The following GPR149 variants were observed in gnomAD, a reference collection of about 807,000 sequenced individuals.
GPR149 encodes G protein-coupled receptor 149.
In GPR149, 50 loss-of-function variants were observed where a neutral mutation model predicts 50.2. The observed-to-expected ratio is 1.00, with a 90% CI of 0.79 to 1.26. The LOEUF is 1.26. Among genes scored for constraint, GPR149 ranks in the 50% most tolerant of loss-of-function variants. The probability of loss-of-function intolerance (pLI) is 0.00; values close to 1 mark genes in which losing one functional copy is unlikely to be tolerated. For missense variants in GPR149, 983 were observed against 895.4 expected (o/e 1.10, Z -1.25); for synonymous variants, 405 against 358.2 (o/e 1.13, Z -1.48).
intron 3 of GPR149, among the ~76,000 whole-genome samples, chr3:154,414,423 G>T (rs531516564): frequency 6.6e-6 from 1 of 151,956 alleles, no homozygotes. Context: ...AAGAAGAATC[G>T]TAGAAATAGA....
At chr3:154,338,313 C>T in intron 3 of GPR149, 42 bp from the exon 4 acceptor site, 1 of 1,425,200 alleles carries the variant, frequency 7.0e-7, no homozygotes, top group Non-Finnish European at 9.4e-7. Flanking sequence ...AAGCTAGGTT[C>T]TGAGGTTGAG....
At chr3:154,342,862 A>G (rs1027314513) in intron 3 of GPR149, among the ~76,000 whole-genome samples, 3 of 152,260 alleles carry the variant, frequency 2.0e-5, no homozygotes, top group Non-Finnish European at 4.4e-5. Flanking sequence ...CTATAAAATA[A>G]AAACTACGTA....
At chr3:154,366,402 C>T (rs573413269) in intron 3 of GPR149, among the ~76,000 whole-genome samples, 2 of 152,320 alleles carry the variant, frequency 1.3e-5, no homozygotes, top group African/African-American at 4.8e-5. Flanking sequence ...TTTAAAATGG[C>T]CCTGCAAAGC....
intron 3 of GPR149, among the ~76,000 whole-genome samples, chr3:154,394,200 C>T (rs1228414192): frequency 6.6e-6 from 1 of 151,988 alleles, no homozygotes; most frequent in African/African-American, 2.4e-5. Flanking sequence ...CGATATAGTA[C>T]TGGCATAAAG....
chr3:154,421,945 C>T (rs1396911311), intron 2 of GPR149, among the ~76,000 whole-genome samples: 1 of 151,454 alleles, frequency 6.6e-6, no homozygotes, highest in Admixed American at 6.6e-5. Flanking sequence ...AAGAATACCA[C>T]CAATAAATAT....
chr3:154,418,004 G>T (rs1319537304), intron 3 of GPR149, among the ~76,000 whole-genome samples: 2 of 151,526 alleles, frequency 1.3e-5, no homozygotes, highest in Admixed American at 6.6e-5. Flanking sequence ...AGTGGGCGAA[G>T]GACATGAACA....
chr3:154,343,903 C>G (rs1400022317), intron 3 of GPR149, among the ~76,000 whole-genome samples: 1 of 151,742 alleles, frequency 6.6e-6, no homozygotes, highest in African/African-American at 2.4e-5. Context: ...CACTTGAGCC[C>G]GGGAGATAGA....
intron 3 of GPR149, among the ~76,000 whole-genome samples, chr3:154,398,639 G>A (rs1715348431): frequency 2.6e-5 from 4 of 152,080 alleles, no homozygotes; most frequent in Admixed American, 2.6e-4. Context: ...AATGAGGTAA[G>A]CAGAATAATT....
chr3:154,347,330 G>C (rs1713953426), intron 3 of GPR149, among the ~76,000 whole-genome samples: 1 of 152,164 alleles, frequency 6.6e-6, no homozygotes, highest in Non-Finnish European at 1.5e-5. Flanking sequence ...TGACGGAAGA[G>C]GACACAAGCA....
chr3:154,409,541 A>G (rs1198803031), intron 3 of GPR149, among the ~76,000 whole-genome samples: 1 of 152,054 alleles, frequency 6.6e-6, no homozygotes, highest in Non-Finnish European at 1.5e-5. Context: ...AAAAACAATC[A>G]CAACTTCTGG....
At chr3:154,374,568 T>A (rs1398859645) in intron 3 of GPR149, among the ~76,000 whole-genome samples, 1 of 152,138 alleles carries the variant, frequency 6.6e-6, no homozygotes, top group Non-Finnish European at 1.5e-5. Flanking sequence ...AGAGGGATGT[T>A]TTAGACTCAA....
chr3:154,335,140 G>T lies in GPR149; in HGVS notation c.*2559C>A, dbSNP rs1713624480. Reference sequence around the variant, plus strand: ...CACCAGATGGTGATATTTTTATTAGGTAATAAGTTTTTGCCTTCAGATACA... The same window carrying T: ...CACCAGATGGTGATATTTTTATTAGTTAATAAGTTTTTGCCTTCAGATACA... On this transcript the variant is annotated 3_prime_UTR_variant, in exon 4 of 4. Coordinates refer to ENST00000389740, the MANE Select transcript of GPR149 (RefSeq NM_001038705.3). The T allele has an allele frequency of 6.6e-6, 1 of 151,720 alleles. No individual in the cohort carries two copies. Among genetic ancestry groups the T allele is most frequent in the South Asian group, 2.1e-4 (1 of 4,800 alleles). 9.4% of individuals were successfully genotyped at this position (151,720 alleles called of 1,614,324 possible).
chr3:154,354,913 A>T (rs1247848259), intron 3 of GPR149: 1 of 199,852 alleles, frequency 5.0e-6, no homozygotes, highest in Non-Finnish European at 1.1e-5. Context: ...ATTGAAAATG[A>T]TGAATCATTC....
chr3:154,421,475 C>T lies in GPR149; in HGVS notation c.1187G>A (p.Gly396Asp), dbSNP rs764649543. The T allele has an allele frequency of 1.9e-6, 3 of 1,563,984 alleles. No individual in the cohort carries two copies. Among genetic ancestry groups the T allele is most frequent in the Non-Finnish European group, 2.6e-6 (3 of 1,154,948 alleles). ...ASDGKKIKRK[G>D]FEFNLSFQKS... ...TTGGAATGATAGATTGAATTCAAAG[C>T]CTTTTCTCTTGACTGAGTAAAAATA... Residue 396 changes from glycine (G) to aspartate (D), a missense_variant, in exon 3 of 4, where the codon GGC (glycine) becomes GAC (aspartate). Transcript: ENST00000389740.
chr3:154,378,366 TTA>T (rs1474872925), intron 3 of GPR149, among the ~76,000 whole-genome samples: 1 of 152,170 alleles, frequency 6.6e-6, no homozygotes, highest in African/African-American at 2.4e-5. Context: ...AGTGCTGGGA[TTA>T]CAGGTGTAAG....
intron 3 of GPR149, among the ~76,000 whole-genome samples, chr3:154,407,964 A>G (rs980754889): frequency 6.6e-6 from 1 of 152,186 alleles, no homozygotes; most frequent in African/African-American, 2.4e-5. Flanking sequence ...GTCATGTTGG[A>G]TAGATAGAGA....
At chr3:154,419,539 G>A (rs550629425) in intron 3 of GPR149, among the ~76,000 whole-genome samples, 2 of 152,068 alleles carry the variant, frequency 1.3e-5, no homozygotes, top group East Asian at 1.9e-4. Context: ...CTCAAAATTA[G>A]CAAAGCTAAA....
At chr3:154,397,345 T>G (rs1715317657) in intron 3 of GPR149, among the ~76,000 whole-genome samples, 1 of 152,164 alleles carries the variant, frequency 6.6e-6, no homozygotes, top group Non-Finnish European at 1.5e-5. Context: ...ATGATCAGAC[T>G]TTGGTTGTTT....
chr3:154,425,842 T>A (rs1712278675), intron 2 of GPR149, among the ~76,000 whole-genome samples: 1 of 152,148 alleles, frequency 6.6e-6, no homozygotes, highest in Non-Finnish European at 1.5e-5. Flanking sequence ...AAGTAGAATA[T>A]TTCATAGGTC....
Sources: gnomAD v4.1 joint callset for allele counts (sites outside exome capture counted in the v4.1 genomes callset) on GRCh38, gnomAD v4.1.1 for gene constraint, MANE v1.5 for transcripts, NCBI Gene and HGNC (gene_info 2026-07-23, HGNC 2026-07-21) for gene names.